The following ITPR1 variants were observed in gnomAD, a reference collection of about 807,000 sequenced individuals.
ITPR1 encodes inositol 1,4,5-trisphosphate-gated calcium channel ITPR1.
In ITPR1, 96 loss-of-function variants were observed where a neutral mutation model predicts 318.4. The ratio of observed to expected loss-of-function variants is 0.30; its 90% CI spans 0.26 to 0.36. The LOEUF is 0.36. Ranked by LOEUF, ITPR1 falls within the 10% of genes least tolerant of loss-of-function variation. The pLI, the probability that ITPR1 is intolerant of heterozygous loss-of-function variation, is 1.00. For missense variants in ITPR1, 2,440 were observed against 3,460.2 expected, an observed-to-expected ratio of 0.71 and a Z score of 7.40; for synonymous variants, 1,312 against 1,289.9, an observed-to-expected ratio of 1.02 and a Z score of -0.37.
rs564451598 is a variant in ITPR1, at chr3:4,748,114, G to C, written c.5544+12760G>C. 2.0e-5 allele frequency among the ~76,000 whole-genome samples: 3 copies of C among 152,338 alleles called. 1 individual carries two copies. The East Asian group carries it at 5.8e-4, about 29-fold the overall frequency. The stretch of plus-strand genomic sequence containing the variant: ...GCTACATGGAATAGTCCCAATTGCA[G>C]ATGAGGAAACTGAGTCTGAAAAAAG... On this transcript the variant is annotated intron_variant, in intron 44 of 61. Coordinates refer to ENST00000649015, the MANE Select transcript of ITPR1 (RefSeq NM_001378452.1).
At chr3:4,700,822 G>T (rs1198672096) in intron 35 of ITPR1, among the ~76,000 whole-genome samples, 1 of 152,198 alleles carries the variant, frequency 6.6e-6, no homozygotes, top group African/African-American at 2.4e-5. Flanking sequence ...AGGCCTCACA[G>T]TCATGGTGGA....
chr3:4,717,305 G>C (rs1310534173), intron 39 of ITPR1, 62 bp from the exon 40 acceptor site: 2 of 1,358,364 alleles, frequency 1.5e-6, no homozygotes, highest in African/African-American at 1.4e-5. Flanking sequence ...TATAAACTTG[G>C]CTGGCTTGTA....
intron 12 of ITPR1, 38 bp downstream of exon 12, chr3:4,653,924 A>G: frequency 1.5e-5 from 22 of 1,468,788 alleles, no homozygotes; most frequent in Non-Finnish European, 2.1e-5. Context: ...TTCATCTGGT[A>G]GGGTGCGGCC....
chr3:4,568,254 A>G (rs1014804500), intron 4 of ITPR1, among the ~76,000 whole-genome samples: 2 of 152,228 alleles, frequency 1.3e-5, no homozygotes, highest in African/African-American at 4.8e-5. Context: ...GAGACAAAGT[A>G]AAAACTAGGC....
At chr3:4,768,400 T>C in intron 45 of ITPR1, 111 bp from the exon 46 acceptor site, 1 of 1,290,752 alleles carries the variant, frequency 7.7e-7, no homozygotes, top group African/African-American at 1.5e-5. Flanking sequence ...TTGCCAACTT[T>C]GAACGTCTCT....
chr3:4,575,068 G>T (rs1287304404), intron 4 of ITPR1, among the ~76,000 whole-genome samples: 1 of 152,176 alleles, frequency 6.6e-6, no homozygotes, highest in African/African-American at 2.4e-5. Context: ...TATGATTTCT[G>T]TACTTTTCTT....
intron 39 of ITPR1, among the ~76,000 whole-genome samples, chr3:4,712,700 G>A (rs1434743215): frequency 6.6e-6 from 1 of 152,172 alleles, no homozygotes; most frequent in Non-Finnish European, 1.5e-5. Context: ...ATCGATGGTG[G>A]CAACCAGATT....
In ITPR1 at chr3:4,556,595, C is replaced by T. The variant is rs146603394; in HGVS notation, c.163+35501C>T. Among the ~76,000 whole-genome samples, 398 of 151,894 alleles carry T rather than the reference C, an allele frequency of 2.6e-3. 1 individual carries two copies. The highest frequency in any genetic ancestry group is 4.1e-3 in the Non-Finnish European group (277 of 67,980). ...AGCCTTTCCTGATTGGCTTCTTTCA[C>T]TCAGTATGTGCATTTAAATTTCCTC... On this transcript the variant is annotated intron_variant, in intron 4 of 61. Coordinates refer to ENST00000649015, the MANE Select transcript of ITPR1 (RefSeq NM_001378452.1).
chr3:4,523,566 G>C (rs557508953), intron 4 of ITPR1, among the ~76,000 whole-genome samples: 1 of 151,914 alleles, frequency 6.6e-6, no homozygotes. Context: ...TGTATCCCTT[G>C]GCCAACCTCT....
chr3:4,629,177 G>A (rs541824124), intron 5 of ITPR1, among the ~76,000 whole-genome samples: 38 of 152,216 alleles, frequency 2.5e-4, no homozygotes, highest in African/African-American at 8.4e-4. Context: ...CTACATTCTG[G>A]CCGTATGAGC....
At chr3:4,798,157 A>G (rs1050555733) in intron 53 of ITPR1, among the ~76,000 whole-genome samples, 2 of 152,276 alleles carry the variant, frequency 1.3e-5, no homozygotes, top group African/African-American at 4.8e-5. Context: ...TAAGCATTTC[A>G]GAAAATGATA....
Position 4,662,257 on chromosome 3 carries a change from A to G in ITPR1, c.1412+15A>G. On this transcript the variant is annotated intron_variant, in intron 15 of 61. Transcript: ENST00000649015. ...AATGAAAGGAGGTGAGCACTCCCGC[A>G]TGCTCAGCACAGCCGCCCTCCCGCA... The G allele has an allele frequency of 1.3e-6, 2 of 1,580,080 alleles. No homozygotes were observed. Among genetic ancestry groups the G allele is most frequent in the Non-Finnish European group, 1.7e-6 (2 of 1,161,560 alleles).
In ITPR1 at chr3:4,783,911, G is replaced by A. The variant is rs576864248; in HGVS notation, c.6606G>A (p.Ala2202=). Residue 2202 remains alanine (A), a synonymous_variant, in exon 51 of 62, where the codon GCG becomes GCA. Coordinates refer to ENST00000649015, the MANE Select transcript of ITPR1 (RefSeq NM_001378452.1). ...EALEFYAKHT[A]QIEIVRLDRT... ...TGGAGTTTTATGCCAAGCACACGGC[G>A]CAGATAGAGGTAAAAGCTGAGTAAA... 2.4e-5 allele frequency: 38 copies of A among 1,602,372 alleles called. No individual in the cohort carries two copies. The highest frequency in any genetic ancestry group is 5.1e-5 in the Admixed American group (3 of 58,658).
intron 2 of ITPR1, among the ~76,000 whole-genome samples, chr3:4,503,947 A>T (rs2081223211): frequency 1.3e-5 from 2 of 152,068 alleles, no homozygotes; most frequent in Non-Finnish European, 2.9e-5. Context: ...AAACCAAAAA[A>T]CACTGGCCTT....
rs573739366 is a variant in ITPR1 at position 4,725,592 on chromosome 3, C to T, written c.5172+11C>T. On this transcript the variant is annotated intron_variant, in intron 41 of 61. Coordinates refer to ENST00000649015, the MANE Select transcript of ITPR1 (RefSeq NM_001378452.1). ...GAGAACGCCACTGAGGTGTGTTGCC[C>T]GCCTATATTTGTAGCGCCAGCGCCA... The T allele has an allele frequency of 5.8e-5, 92 of 1,597,864 alleles. 1 individual carries two copies. The highest frequency in any genetic ancestry group is 9.9e-5 in the South Asian group (9 of 91,040).
intron 39 of ITPR1, among the ~76,000 whole-genome samples, chr3:4,713,162 C>T (rs2041509146): frequency 6.6e-6 from 1 of 152,162 alleles, no homozygotes; most frequent in Non-Finnish European, 1.5e-5. Context: ...ATTTATTTCA[C>T]AAGATCTTCA....
intron 4 of ITPR1, among the ~76,000 whole-genome samples, chr3:4,534,635 T>C (rs562073142): frequency 6.6e-6 from 1 of 152,340 alleles, no homozygotes; most frequent in Non-Finnish European, 1.5e-5. Flanking sequence ...GATTTAAAAG[T>C]TCCTTTCTTC....
At chr3:4,550,786 A>G (rs1230479309) in intron 4 of ITPR1, among the ~76,000 whole-genome samples, 1 of 152,108 alleles carries the variant, frequency 6.6e-6, no homozygotes, top group Non-Finnish European at 1.5e-5. Context: ...AGGCTAAGGC[A>G]GGAGGCTCAT....
In ITPR1 at chr3:4,815,116, G is replaced by A; in HGVS notation, c.7765G>A (p.Val2589Ile). 1.9e-6 allele frequency: 3 copies of A among 1,613,880 alleles called. No individual in the cohort carries two copies. Among genetic ancestry groups the A allele is most frequent in the South Asian group, 1.1e-5 (1 of 91,080 alleles). Residue 2589 changes from valine (V) to isoleucine (I), a missense_variant, in exon 59 of 62, where the codon GTT becomes ATT. By Grantham distance (29) the Val-to-Ile change is conservative. Around this residue, in one of 23 missense-constraint regions of ITPR1, gnomAD observed 72 missense variants for 197.7 expected, o/e 0.36. Coordinates refer to ENST00000649015, the MANE Select transcript of ITPR1 (RefSeq NM_001378452.1). Reference protein sequence around the residue: ...LLFFFMVIIIVLNLIFGVIID... With the variant: ...LLFFFMVIIIILNLIFGVIID... ...GTTCTTCTTCATGGTCATCATCATT[G>A]TTCTTAACCTGATTTTTGGGGTTAT...
Sources: gnomAD v4.1 joint callset for allele counts (sites outside exome capture counted in the v4.1 genomes callset) on GRCh38, gnomAD v4.1.1 for gene constraint, gnomAD v4.1.1 regional missense constraint, MANE v1.5 for transcripts, NCBI Gene and HGNC (gene_info 2026-07-23, HGNC 2026-07-21) for gene names.